MAGI1: variants seen among roughly 807,000 people sequenced by gnomAD.
MAGI1 encodes the protein membrane-associated guanylate kinase, WW and PDZ domain-containing protein 1.
In MAGI1, 58 loss-of-function variants were observed where a neutral mutation model predicts 139.9. That is an observed-to-expected ratio of 0.41 (90% CI 0.34 to 0.52). The LOEUF (loss-of-function observed/expected upper bound fraction) is 0.52. MAGI1 is among the 20% of genes least tolerant of loss of function. MAGI1 has a pLI of 0.12. For synonymous variants in MAGI1, 812 were observed against 737.9 expected, an observed-to-expected ratio of 1.10 and a Z score of -1.63; for missense variants, 1,874 against 1,901.6, an observed-to-expected ratio of 0.99 and a Z score of 0.27.
intron 12 of MAGI1, among the ~76,000 whole-genome samples, chr3:65,403,321 T>C (rs1945060529): frequency 6.6e-6 from 1 of 152,186 alleles, no homozygotes. Flanking sequence ...AGAAAAATCA[T>C]CTGCTAAGCA....
intron 1 of MAGI1, among the ~76,000 whole-genome samples, chr3:65,666,172 CCT>C (rs1417094648): frequency 1.3e-5 from 2 of 152,164 alleles, no homozygotes; most frequent in Non-Finnish European, 1.5e-5. Context: ...CCATCAACTC[CCT>C]GTTACTCTCG....
intron 1 of MAGI1, among the ~76,000 whole-genome samples, chr3:65,841,336 G>C (rs1055202960): frequency 6.6e-6 from 1 of 151,368 alleles, no homozygotes; most frequent in South Asian, 2.1e-4. Flanking sequence ...TTTGCTCCTC[G>C]TCTTCTAGTT....
chr3:66,028,684 G>C (rs1477391387), intron 1 of MAGI1, among the ~76,000 whole-genome samples: 1 of 152,032 alleles, frequency 6.6e-6, no homozygotes, highest in Admixed American at 6.5e-5. Flanking sequence ...TGCGACCTGC[G>C]AACAATCATT....
Position 65,693,716 on chromosome 3 carries a change from T to G in MAGI1, c.314-71628A>C, listed in dbSNP as rs9877511. ...TCAGAACAGTTTTTTTTTGTTTTTG[T>G]TTTTTGTTGTTGTTGTTTTGTTTTG... is the stretch of plus-strand genomic sequence containing the variant. On this transcript the variant is annotated intron_variant, in intron 1 of 22. Transcript: ENST00000402939. Among the ~76,000 whole-genome samples, 417 of 151,614 alleles carry G rather than the reference T, an allele frequency of 2.8e-3. 14 individuals carry two copies. In the South Asian group the frequency reaches 0.056, roughly 20 times the overall value.
At chr3:66,009,813 T>A (rs2067227522) in intron 1 of MAGI1, among the ~76,000 whole-genome samples, 1 of 152,048 alleles carries the variant, frequency 6.6e-6, no homozygotes, top group African/African-American at 2.4e-5. Flanking sequence ...ACATCCATAA[T>A]CCCAGCACTT....
At chr3:65,992,912 A>G (rs868396035) in intron 1 of MAGI1, among the ~76,000 whole-genome samples, 6 of 152,162 alleles carry the variant, frequency 3.9e-5, no homozygotes, top group Middle Eastern at 6.8e-3. Context: ...TGCAGCCTCA[A>G]TCTCCTGGGT....
intron 2 of MAGI1, among the ~76,000 whole-genome samples, chr3:65,553,505 A>G (rs948748905): frequency 3.3e-5 from 5 of 152,336 alleles, no homozygotes; most frequent in Middle Eastern, 6.8e-3. Flanking sequence ...GTTCTAGACA[A>G]TGGAGATGTA....
chr3:65,500,619 AAG>A (rs2077043711), intron 2 of MAGI1, among the ~76,000 whole-genome samples: 1 of 152,212 alleles, frequency 6.6e-6, no homozygotes. Flanking sequence ...GAGGCAGAAA[AAG>A]AAAAATCCTA....
At chr3:65,508,078 G>A (rs1332198267) in intron 2 of MAGI1, among the ~76,000 whole-genome samples, 4 of 152,036 alleles carry the variant, frequency 2.6e-5, no homozygotes, top group East Asian at 1.9e-4. Flanking sequence ...AGGTATCAAC[G>A]GTATTATCAG....
At chr3:65,958,596 T>C (rs1356157229) in intron 1 of MAGI1, among the ~76,000 whole-genome samples, 5 of 152,218 alleles carry the variant, frequency 3.3e-5, no homozygotes, top group Non-Finnish European at 5.9e-5. Context: ...ATGGGTAGAC[T>C]TAACTTCCAA....
chr3:65,870,227 G>T (rs2059891722), intron 1 of MAGI1, among the ~76,000 whole-genome samples: 1 of 151,968 alleles, frequency 6.6e-6, no homozygotes, highest in Non-Finnish European at 1.5e-5. Context: ...TGAGCACTGA[G>T]ATACTTTTTT....
intron 1 of MAGI1, among the ~76,000 whole-genome samples, chr3:65,981,029 C>T (rs1395581389): frequency 7.9e-5 from 12 of 151,622 alleles, no homozygotes; most frequent in African/African-American, 2.9e-4. Context: ...GGCATCAAGG[C>T]GTGTGCCTGT....
In MAGI1 at chr3:65,361,307, C is replaced by T. The variant is rs1940830019; in HGVS notation, c.3526G>A (p.Glu1176Lys). The change falls in exon 22 of 23, where the codon GAG becomes AAG. Residue 1176 changes from glutamate (E) to lysine (K), a missense_variant. By Grantham distance (56) the Glu-to-Lys change is moderately conservative. Transcript: ENST00000402939. ...IGDEILEING[E>K]TTKNMKHSRA... is the part of the protein sequence containing the mutation. ...GAATGCTTCATGTTTTTGGTGGTCTCACCATTGATCTCTAAAATTTCATCA... is the reference window on the plus strand; with the variant it reads ...GAATGCTTCATGTTTTTGGTGGTCTTACCATTGATCTCTAAAATTTCATCA... 6.2e-7 allele frequency: 1 copy of T among 1,613,870 alleles called. No individual in the cohort carries two copies. The highest frequency in any genetic ancestry group is 8.5e-7 in the Non-Finnish European group (1 of 1,179,920).
Position 65,364,695 on chromosome 3 carries a change from T to C in MAGI1, c.3321A>G (p.Gln1107=). ...TTGCTTGGGGTGCTTTGAACTCAAA[T>C]TGAGATTCCTGCTTTGGTTTGGTGG... ...RNTTKPKQES[Q]FEFKAPQATQ... is the part of the protein sequence containing the mutation. Residue 1107 remains glutamine, a synonymous_variant, in exon 20 of 23, where the codon CAA becomes CAG. Transcript: ENST00000402939. The C allele has an allele frequency of 1.2e-6, 2 of 1,614,112 alleles. No individual in the cohort carries two copies. Among genetic ancestry groups the C allele is most frequent in the Non-Finnish European group, 1.7e-6 (2 of 1,179,978 alleles).
At chr3:65,521,468 T>C (rs989121179) in intron 2 of MAGI1, among the ~76,000 whole-genome samples, 2 of 152,190 alleles carry the variant, frequency 1.3e-5, no homozygotes, top group African/African-American at 4.8e-5. Context: ...ATTGGTTTAA[T>C]AAATATTTAA....
chr3:65,524,459 T>C (rs936242859), intron 2 of MAGI1, among the ~76,000 whole-genome samples: 1 of 152,212 alleles, frequency 6.6e-6, no homozygotes, highest in Non-Finnish European at 1.5e-5. Context: ...TCATTACTCT[T>C]ATAGAAAAGT....
At chr3:65,522,040 A>G (rs1254642214) in intron 2 of MAGI1, among the ~76,000 whole-genome samples, 2 of 152,186 alleles carry the variant, frequency 1.3e-5, no homozygotes, top group Non-Finnish European at 2.9e-5. Context: ...CAGAGGAAAA[A>G]AATCCAAACG....
chr3:65,877,173 A>T (rs2060149322), intron 1 of MAGI1, among the ~76,000 whole-genome samples: 1 of 152,196 alleles, frequency 6.6e-6, no homozygotes, highest in Non-Finnish European at 1.5e-5. Flanking sequence ...GGTCCAACTT[A>T]TGGGACCTTT....
At chr3:66,005,005 G>A (rs2066938271) in intron 1 of MAGI1, among the ~76,000 whole-genome samples, 1 of 152,124 alleles carries the variant, frequency 6.6e-6, no homozygotes, top group African/African-American at 2.4e-5. Context: ...ATTGACATCT[G>A]ATTTAATGTA....
Sources: gnomAD v4.1 joint callset for allele counts (sites outside exome capture counted in the v4.1 genomes callset) on GRCh38, gnomAD v4.1.1 for gene constraint, MANE v1.5 for transcripts, NCBI Gene and HGNC (gene_info 2026-07-23, HGNC 2026-07-21) for gene names.